Variants in AGMO observed in about 807,000 individuals in gnomAD.
AGMO encodes the protein glyceryl-ether monooxygenase.
A neutral mutation model predicts 60.2 loss-of-function variants in AGMO; 75 were observed. The ratio of observed to expected loss-of-function variants is 1.25; its 90% confidence interval spans 1.03 to 1.51. AGMO has a LOEUF of 1.51. AGMO is among the 40% of genes most tolerant of loss of function. AGMO has a pLI of 0.00. For synonymous variants in AGMO, 261 were observed against 177.1 expected (o/e 1.47, Z -3.76); for missense variants, 763 against 525.5 (o/e 1.45, Z -4.42).
chr7:15,355,249 T>C (rs1782479036), intron 12 of AGMO, among the ~76,000 whole-genome samples: 1 of 152,062 alleles, frequency 6.6e-6, no homozygotes, highest in South Asian at 2.1e-4. Flanking sequence ...ACGTCTATAA[T>C]TCCAGCACTA....
At chr7:15,354,525 T>G (rs1429537961) in intron 12 of AGMO, among the ~76,000 whole-genome samples, 2 of 111,062 alleles carry the variant, frequency 1.8e-5, no homozygotes, top group African/African-American at 6.2e-5. Context: ...TATATATATA[T>G]ATATATATAT....
At chr7:15,135,610 A>G in the AGMO span, among the ~76,000 whole-genome samples, 1 of 152,196 alleles carries the variant, frequency 6.6e-6, no homozygotes, top group Non-Finnish European at 1.5e-5. Flanking sequence ...GTAGTATATC[A>G]AATAATAAAA....
intron 12 of AGMO, among the ~76,000 whole-genome samples, chr7:15,252,850 G>C (rs529007005): frequency 6.6e-6 from 1 of 152,194 alleles, no homozygotes; most frequent in South Asian, 2.1e-4. Flanking sequence ...GGTGGGCGGG[G>C]GCAGTAAGTT....
rs1583628630 is a variant in AGMO at position 15,510,308 on chromosome 7, G to C, written c.409+34464C>G. Among the ~76,000 whole-genome samples the C allele has an allele frequency of 2.0e-5, 3 of 152,004 alleles. No individual in the cohort carries two copies. In the South Asian group the frequency reaches 6.2e-4, roughly 32 times the overall value. On this transcript the variant is annotated intron_variant, in intron 3 of 12. Transcript: ENST00000342526. ...TGCCTCCCTAGTAGCTAGGACTATA[G>C]GCATGCACCACCATGCCTAGCTAAG...
chr7:15,130,469 C>G, the AGMO span, among the ~76,000 whole-genome samples: 1 of 152,064 alleles, frequency 6.6e-6, no homozygotes, highest in East Asian at 1.9e-4. Flanking sequence ...CACTCAGGCC[C>G]CCTAAAAATG....
chr7:15,365,666 TATATGTTCACATGTTATAATTA>T, intron 11 of AGMO, 47 bp from the exon 12 acceptor site: 2 of 1,263,760 alleles, frequency 1.6e-6, no homozygotes, highest in Non-Finnish European at 2.3e-6. Context: ...ATATGCTCTT[TATATGTTCACATGTTATAATTA>T]ATATAAACTT....
chr7:15,471,341 T>C (rs1029028794), intron 3 of AGMO, among the ~76,000 whole-genome samples: 9 of 151,900 alleles, frequency 5.9e-5, no homozygotes, highest in Non-Finnish European at 1.3e-4. Flanking sequence ...TGAGGTTTAA[T>C]GCAAATAGTA....
intron 12 of AGMO, among the ~76,000 whole-genome samples, chr7:15,211,281 C>A (rs1426625860): frequency 6.6e-6 from 1 of 151,726 alleles, no homozygotes; most frequent in Admixed American, 6.6e-5. Context: ...ACTATTCTTG[C>A]TTAAAAGACT....
At chr7:15,419,430 A>G (rs1583532580) in intron 4 of AGMO, among the ~76,000 whole-genome samples, 3 of 152,018 alleles carry the variant, frequency 2.0e-5, no homozygotes, top group South Asian at 4.1e-4. Flanking sequence ...AAATGAGAAT[A>G]AAATGAATCT....
chr7:15,376,376 AT>A (rs971954137), intron 10 of AGMO, among the ~76,000 whole-genome samples: 1 of 111,996 alleles, frequency 8.9e-6, no homozygotes, highest in Non-Finnish European at 1.7e-5. Flanking sequence ...AAATATATTG[AT>A]TTTTTTACAG....
chr7:15,360,481 C>T (rs1032978741), intron 12 of AGMO, among the ~76,000 whole-genome samples: 1 of 152,108 alleles, frequency 6.6e-6, no homozygotes, highest in Non-Finnish European at 1.5e-5. Flanking sequence ...TGTATTCTCA[C>T]AATAAAGCTA....
the AGMO span, among the ~76,000 whole-genome samples, chr7:15,165,782 T>C: frequency 7.9e-5 from 12 of 152,314 alleles, no homozygotes; most frequent in East Asian, 2.3e-3. Flanking sequence ...GTACTTTTTC[T>C]ATAAATGAGA....
At chr7:15,423,833 C>T (rs1322270877) in intron 4 of AGMO, among the ~76,000 whole-genome samples, 1 of 152,050 alleles carries the variant, frequency 6.6e-6, no homozygotes, top group Non-Finnish European at 1.5e-5. Context: ...CCCTCATAGC[C>T]CTCAAAAGGA....
chr7:15,366,215 G>GAC lies in AGMO; in HGVS notation c.1080_1081dup (p.Ser361CysfsTer8). On this transcript the variant is annotated frameshift_variant, in exon 11 of 13. Transcript: ENST00000342526. LOFTEE classifies it high-confidence loss of function. Reference sequence around the variant, plus strand: ...AACCCTCAGAAGGAGAGTAACTTGCGACAGTGCCTGTCAAACAAACACGGA... The same window carrying GAC: ...AACCCTCAGAAGGAGAGTAACTTGCGACACAGTGCCTGTCAAACAAACACGGA... 1 of 1,602,982 alleles carries GAC rather than the reference G, an allele frequency of 6.2e-7. No individual in the cohort carries two copies.
intron 12 of AGMO, among the ~76,000 whole-genome samples, chr7:15,344,161 G>A (rs887693743): frequency 6.6e-6 from 1 of 152,224 alleles, no homozygotes; most frequent in East Asian, 1.9e-4. Context: ...TGATATACCT[G>A]AAGCATCTAA....
At chr7:15,303,244 ACATT>A (rs1387992791) in intron 12 of AGMO, among the ~76,000 whole-genome samples, 1 of 152,180 alleles carries the variant, frequency 6.6e-6, no homozygotes, top group African/African-American at 2.4e-5. Context: ...TCAGAATGGT[ACATT>A]CAAATTATAA....
intron 12 of AGMO, among the ~76,000 whole-genome samples, chr7:15,208,564 C>G (rs990239918): frequency 3.0e-4 from 46 of 152,208 alleles, no homozygotes; most frequent in South Asian, 6.2e-4. Context: ...AACATTATAC[C>G]TAGCTTGACT....
chr7:15,374,917 C>A (rs1013720934), intron 10 of AGMO, among the ~76,000 whole-genome samples: 1 of 151,984 alleles, frequency 6.6e-6, no homozygotes, highest in Non-Finnish European at 1.5e-5. Context: ...TCAGCTCATG[C>A]GTGATACCCT....
At chr7:15,203,237 T>C (rs1181991815) in intron 12 of AGMO, among the ~76,000 whole-genome samples, 2 of 152,056 alleles carry the variant, frequency 1.3e-5, no homozygotes, top group Non-Finnish European at 2.9e-5. Flanking sequence ...CATACTTTCA[T>C]CTCGACTTCC....
Sources: gnomAD v4.1 joint callset for allele counts (sites outside exome capture counted in the v4.1 genomes callset) on GRCh38, gnomAD v4.1.1 for gene constraint, MANE v1.5 for transcripts, NCBI Gene and HGNC (gene_info 2026-07-23, HGNC 2026-07-21) for gene names.